The following VAV3 variants were observed in gnomAD, a reference collection of about 807,000 sequenced individuals.
VAV3 encodes the protein guanine nucleotide exchange factor VAV3.
Under a neutral mutation model 131.2 loss-of-function variants are expected in VAV3, and 94 were observed. The observed-to-expected ratio is 0.72, with a 90% confidence interval of 0.61 to 0.85. The LOEUF is 0.85. Ranked by LOEUF, VAV3 falls within the 40% of genes least tolerant of loss-of-function variation. The pLI is 0.00. For missense variants in VAV3, 939 were observed against 1,002.7 expected (o/e 0.94, Z 0.86); for synonymous variants, 349 against 342.0 (o/e 1.02, Z -0.22).
At chr1:107,685,843 T>G (rs563401828) in intron 18 of VAV3, 1 of 151,788 alleles carries the variant, frequency 6.6e-6, no homozygotes, top group Non-Finnish European at 1.5e-5. Flanking sequence ...CAATCTATAT[T>G]CTCAAAAGTC....
intron 10 of VAV3, among the ~76,000 whole-genome samples, chr1:107,757,618 A>G (rs1249261329): frequency 6.6e-6 from 1 of 152,204 alleles, no homozygotes; most frequent in African/African-American, 2.4e-5. Context: ...AAGATTCCAT[A>G]ATGATTAAAA....
At chr1:107,836,280 C>T (rs1403070590) in intron 2 of VAV3, among the ~76,000 whole-genome samples, 3 of 152,090 alleles carry the variant, frequency 2.0e-5, no homozygotes, top group Non-Finnish European at 4.4e-5. Context: ...TATGTTTAGC[C>T]ATAAAGCAAG....
At chr1:107,654,969 G>T (rs185934620) in intron 19 of VAV3, among the ~76,000 whole-genome samples, 1 of 152,156 alleles carries the variant, frequency 6.6e-6, no homozygotes. Flanking sequence ...AACAAATTGT[G>T]CCAAGAAGTT....
intron 19 of VAV3, among the ~76,000 whole-genome samples, chr1:107,681,261 C>A (rs542573800): frequency 6.6e-6 from 1 of 152,124 alleles, no homozygotes; most frequent in African/African-American, 2.4e-5. Context: ...ATCAAAGGAA[C>A]TTCCATGGTA....
intron 15 of VAV3, among the ~76,000 whole-genome samples, chr1:107,727,660 T>G (rs1480776577): frequency 1.3e-5 from 2 of 152,240 alleles, no homozygotes; most frequent in African/African-American, 4.8e-5. Context: ...ATATTCAAAA[T>G]GGCCAGCTAG....
chr1:107,573,402 C>T, intron 26 of VAV3, 30 bp from the exon 27 acceptor site: 2 of 1,613,584 alleles, frequency 1.2e-6, no homozygotes, highest in Non-Finnish European at 1.7e-6. Context: ...AACACAGCAA[C>T]ATGACTTTGT....
chr1:107,856,680 A>G (rs926191506), intron 2 of VAV3, among the ~76,000 whole-genome samples: 1 of 152,204 alleles, frequency 6.6e-6, no homozygotes, highest in Non-Finnish European at 1.5e-5. Flanking sequence ...AAACCTATCT[A>G]ATAGAGCAAA....
intron 18 of VAV3, among the ~76,000 whole-genome samples, chr1:107,684,864 T>C (rs539201361): frequency 5.6e-4 from 86 of 152,324 alleles, no homozygotes; most frequent in African/African-American, 1.9e-3. Flanking sequence ...AAAAAATCTT[T>C]TCTGTCTGAA....
chr1:107,741,178 AT>A (rs1208693900), intron 15 of VAV3, among the ~76,000 whole-genome samples: 1 of 152,256 alleles, frequency 6.6e-6, no homozygotes, highest in African/African-American at 2.4e-5. Context: ...AACAAAGTGA[AT>A]CTTTTAAATT....
Position 107,848,245 on chromosome 1 carries a change from G to A in VAV3, c.321+26656C>T, listed in dbSNP as rs141826350. 3.9e-3 allele frequency among the ~76,000 whole-genome samples: 589 copies of A among 151,356 alleles called. 3 individuals carry two copies. Among genetic ancestry groups the A allele is most frequent in the African/African-American group, 0.014 (564 of 41,172 alleles). ...GGAGAATGGCGTGAACCCTGGAGGC[G>A]GAGCTTGCAGTGAGCCAAGATCATG... On this transcript the variant is annotated intron_variant, in intron 2 of 26. Coordinates refer to ENST00000370056, the MANE Select transcript of VAV3 (RefSeq NM_006113.5).
chr1:107,868,424 G>A (rs1670102972), intron 2 of VAV3, among the ~76,000 whole-genome samples: 1 of 152,148 alleles, frequency 6.6e-6, no homozygotes, highest in Non-Finnish European at 1.5e-5. Flanking sequence ...AGGCTCAGAA[G>A]CCTTTGCTTG....
intron 2 of VAV3, among the ~76,000 whole-genome samples, chr1:107,858,338 C>T (rs1669571289): frequency 6.6e-6 from 1 of 152,098 alleles, no homozygotes; most frequent in Non-Finnish European, 1.5e-5. Context: ...AACCTTCCTT[C>T]AAAACTATTG....
chr1:107,945,245 A>C (rs889638544), intron 1 of VAV3, among the ~76,000 whole-genome samples: 49 of 152,324 alleles, frequency 3.2e-4, no homozygotes, highest in African/African-American at 1.0e-3. Flanking sequence ...TAAGAAAAAA[A>C]CAAGATCTTA....
At chr1:107,780,167 T>C (rs1238346817) in intron 2 of VAV3, among the ~76,000 whole-genome samples, 1 of 152,196 alleles carries the variant, frequency 6.6e-6, no homozygotes, top group Non-Finnish European at 1.5e-5. Context: ...TTTCATCTTC[T>C]AGATAATGCC....
At chr1:107,643,147 A>C (rs1655483376) in intron 19 of VAV3, among the ~76,000 whole-genome samples, 1 of 152,138 alleles carries the variant, frequency 6.6e-6, no homozygotes, top group Admixed American at 6.6e-5. Context: ...GGCTGATTTC[A>C]TCACTGAGGA....
chr1:107,729,621 C>A (rs1489550429), intron 15 of VAV3, among the ~76,000 whole-genome samples: 2 of 152,168 alleles, frequency 1.3e-5, no homozygotes, highest in African/African-American at 4.8e-5. Context: ...AAGTTACTTA[C>A]ATTTCTGGTC....
chr1:107,779,750 T>C (rs967092021), intron 2 of VAV3, among the ~76,000 whole-genome samples: 1 of 152,182 alleles, frequency 6.6e-6, no homozygotes, highest in Non-Finnish European at 1.5e-5. Context: ...AGATTCTATA[T>C]CAGTATAACA....
intron 19 of VAV3, among the ~76,000 whole-genome samples, chr1:107,646,041 C>T (rs1007897798): frequency 6.6e-6 from 1 of 152,026 alleles, no homozygotes; most frequent in Non-Finnish European, 1.5e-5. Context: ...TGGCAAATCT[C>T]CTTTTCATAG....
chr1:107,791,364 G>C (rs372183164), intron 2 of VAV3, among the ~76,000 whole-genome samples: 18 of 116,100 alleles, frequency 1.6e-4, no homozygotes, highest in African/African-American at 5.7e-4. Context: ...TAACTAAAAG[G>C]AAGTTTTTTT....
Sources: allele counts gnomAD v4.1 joint callset (sites outside exome capture counted in the v4.1 genomes callset), GRCh38; gene constraint gnomAD v4.1.1; transcripts MANE v1.5; gene names NCBI Gene and HGNC (gene_info 2026-07-23, HGNC 2026-07-21).